Variants in LRP1B observed in about 807,000 individuals in gnomAD.
LRP1B encodes the protein low-density lipoprotein receptor-related protein 1B.
LRP1B carries 217 observed loss-of-function variants against 556.6 expected under a neutral mutation model. The observed-to-expected ratio is 0.39, with a 90% confidence interval of 0.35 to 0.44. The LOEUF is 0.44. LRP1B is among the 20% of genes least tolerant of loss of function. The pLI, the probability that LRP1B is intolerant of heterozygous loss-of-function variation, is 1.00. For missense variants in LRP1B, 5,053 were observed against 5,620.8 expected (o/e 0.90, Z 3.23); for synonymous variants, 2,047 against 1,865.8 (o/e 1.10, Z -2.50).
intron 2 of LRP1B, among the ~76,000 whole-genome samples, chr2:141,662,937 T>C (rs1287098567): frequency 6.7e-6 from 1 of 150,278 alleles, no homozygotes; most frequent in African/African-American, 2.4e-5. Flanking sequence ...AGTAAAACAC[T>C]CTTCAGCAAA....
chr2:141,374,842 C>T (rs1689369481), intron 3 of LRP1B, among the ~76,000 whole-genome samples: 1 of 152,112 alleles, frequency 6.6e-6, no homozygotes, highest in African/African-American at 2.4e-5. Flanking sequence ...AAGATCAATA[C>T]TTTGACTTCT....
chr2:141,691,346 G>C (rs967758328), intron 2 of LRP1B, among the ~76,000 whole-genome samples: 2 of 151,490 alleles, frequency 1.3e-5, no homozygotes, highest in African/African-American at 4.8e-5. Flanking sequence ...TTCTGATTTA[G>C]ACCCAGAATT....
chr2:141,722,136 G>A (rs1006009784), intron 2 of LRP1B, among the ~76,000 whole-genome samples: 2 of 152,092 alleles, frequency 1.3e-5, no homozygotes, highest in Non-Finnish European at 2.9e-5. Context: ...TCAGCACTTT[G>A]GTAGGCCTAG....
intron 3 of LRP1B, among the ~76,000 whole-genome samples, chr2:141,351,049 C>T (rs1051978625): frequency 1.3e-5 from 2 of 151,972 alleles, no homozygotes; most frequent in African/African-American, 4.8e-5. Flanking sequence ...AACGGGTACA[C>T]TTACTTGTTT....
intron 2 of LRP1B, among the ~76,000 whole-genome samples, chr2:141,762,658 G>A (rs1464272892): frequency 6.6e-6 from 1 of 152,130 alleles, no homozygotes; most frequent in South Asian, 2.1e-4. Context: ...GTCTGAGGAC[G>A]TCTCTCAGGT....
At chr2:140,356,259 C>T (rs547663167) in intron 75 of LRP1B, 83 bp downstream of exon 75, 22 of 1,368,380 alleles carry the variant, frequency 1.6e-5, no homozygotes, top group Non-Finnish European at 2.3e-5. Context: ...AAGTCAATCC[C>T]CTGTGATCTC....
intron 55 of LRP1B, among the ~76,000 whole-genome samples, chr2:140,496,996 G>A (rs965111098): frequency 6.6e-6 from 1 of 151,218 alleles, no homozygotes. Flanking sequence ...AATGATATAT[G>A]TCCATATTAA....
chr2:141,020,469 C>G (rs902510500), intron 11 of LRP1B, among the ~76,000 whole-genome samples: 1 of 152,028 alleles, frequency 6.6e-6, no homozygotes, highest in Non-Finnish European at 1.5e-5. Context: ...ACAAATTCAG[C>G]AATGTAGACT....
chr2:140,358,754 T>G, intron 73 of LRP1B, 67 bp downstream of exon 73: 1 of 1,537,966 alleles, frequency 6.5e-7, no homozygotes, highest in Non-Finnish European at 8.9e-7. Context: ...TTTTAAAATG[T>G]TTGTACTCCA....
intron 49 of LRP1B, 106 bp downstream of exon 49, chr2:140,525,738 T>A: frequency 1.0e-6 from 1 of 987,192 alleles, no homozygotes; most frequent in Non-Finnish European, 1.5e-6. Context: ...AATTTTAATG[T>A]CAATAATTGA....
At chr2:141,156,331 C>T (rs1702065673) in intron 7 of LRP1B, among the ~76,000 whole-genome samples, 1 of 151,976 alleles carries the variant, frequency 6.6e-6, no homozygotes, top group South Asian at 2.1e-4. Flanking sequence ...TACATTCCCT[C>T]CCAAATCAAT....
chr2:140,996,664 G>A (rs1447823663), intron 15 of LRP1B, among the ~76,000 whole-genome samples: 1 of 151,900 alleles, frequency 6.6e-6, no homozygotes, highest in Non-Finnish European at 1.5e-5. Context: ...CTATTTGTGG[G>A]GGCTGTATAA....
At chr2:140,427,339 C>T (rs193094061) in intron 66 of LRP1B, among the ~76,000 whole-genome samples, 2 of 152,128 alleles carry the variant, frequency 1.3e-5, no homozygotes, top group Non-Finnish European at 2.9e-5. Flanking sequence ...CTCCCCACCC[C>T]CCTTCTCCGT....
chr2:141,617,593 G>A (rs1688355088), intron 2 of LRP1B, among the ~76,000 whole-genome samples: 1 of 152,112 alleles, frequency 6.6e-6, no homozygotes, highest in Admixed American at 6.6e-5. Context: ...TCATAAGATT[G>A]TGGTAAGAGA....
chr2:140,868,076 A>G (rs1340314467), intron 26 of LRP1B, 23 bp downstream of exon 26: 8 of 1,570,620 alleles, frequency 5.1e-6, no homozygotes, highest in South Asian at 1.2e-5. Flanking sequence ...AAAAAAATAC[A>G]GAAAAGAGAT....
intron 86 of LRP1B, among the ~76,000 whole-genome samples, chr2:140,250,951 T>G (rs543556015): frequency 6.6e-6 from 1 of 151,900 alleles, no homozygotes; most frequent in East Asian, 1.9e-4. Flanking sequence ...TACGTAGAAG[T>G]TCCCTACACA....
At chr2:141,585,514 G>T (rs997070496) in intron 2 of LRP1B, among the ~76,000 whole-genome samples, 1 of 148,616 alleles carries the variant, frequency 6.7e-6, no homozygotes, top group African/African-American at 2.5e-5. Context: ...TTGGAGAATA[G>T]GTTTTAAGTT....
chr2:141,360,748 A>C (rs13014180), intron 3 of LRP1B, among the ~76,000 whole-genome samples: 2 of 152,206 alleles, frequency 1.3e-5, no homozygotes, highest in Non-Finnish European at 2.9e-5. Flanking sequence ...GTCTACATAC[A>C]CTGTAGTATG....
At chr2:140,323,076 A>G (rs933984926) in intron 81 of LRP1B, among the ~76,000 whole-genome samples, 2 of 151,988 alleles carry the variant, frequency 1.3e-5, no homozygotes, top group Non-Finnish European at 2.9e-5. Flanking sequence ...ATAAACACCA[A>G]CTGTTATCTT....
Sources: gnomAD v4.1 joint callset for allele counts (sites outside exome capture counted in the v4.1 genomes callset) on GRCh38, gnomAD v4.1.1 for gene constraint, MANE v1.5 for transcripts, NCBI Gene and HGNC (gene_info 2026-07-23, HGNC 2026-07-21) for gene names.